OPRM1: variants seen among roughly 807,000 people sequenced by gnomAD.
OPRM1 encodes the protein opioid receptor mu 1.
OPRM1 carries 27 observed loss-of-function variants against 31.8 expected under a neutral mutation model. The observed-to-expected ratio is 0.85, with a 90% CI of 0.63 to 1.17. The LOEUF is 1.17. Among genes scored for constraint, OPRM1 ranks in the 50% most tolerant of loss-of-function variants. OPRM1 has a pLI of 0.00. For missense variants in OPRM1, 536 were observed against 511.1 expected (o/e 1.05, Z -0.47); for synonymous variants, 196 against 189.9 (o/e 1.03, Z -0.26).
intron 1 of OPRM1, among the ~76,000 whole-genome samples, chr6:154,050,837 A>G (rs953291695): frequency 2.0e-5 from 3 of 152,150 alleles, no homozygotes; most frequent in Admixed American, 1.3e-4. Flanking sequence ...TTTATTTCAC[A>G]TTGTCTGCCT....
At chr6:154,229,926 C>A (rs1445219420) in intron 3 of OPRM1, among the ~76,000 whole-genome samples, 1 of 152,128 alleles carries the variant, frequency 6.6e-6, no homozygotes, top group Non-Finnish European at 1.5e-5. Context: ...CATGGATGAA[C>A]CCTGAAAACA....
intron 1 of OPRM1, among the ~76,000 whole-genome samples, chr6:154,075,025 A>C (rs923445158): frequency 2.0e-5 from 3 of 152,252 alleles, no homozygotes; most frequent in Non-Finnish European, 2.9e-5. Flanking sequence ...AATATTTTTA[A>C]AAATTCTTGC....
chr6:154,017,258 A>C (rs1201655875), intron 1 of OPRM1, among the ~76,000 whole-genome samples: 5 of 152,128 alleles, frequency 3.3e-5, no homozygotes, highest in Non-Finnish European at 7.3e-5. Flanking sequence ...GTGCCTGACA[A>C]ATAGGTGATG....
At chr6:154,132,860 G>A (rs948256920), downstream of OPRM1, among the ~76,000 whole-genome samples, 4 of 152,108 alleles carry the variant, frequency 2.6e-5, no homozygotes, top group East Asian at 3.9e-4. Flanking sequence ...GGTGGCTCAC[G>A]CCTGTAATCC....
chr6:154,190,818 A>C (rs997128086), intron 3 of OPRM1, among the ~76,000 whole-genome samples: 6 of 152,220 alleles, frequency 3.9e-5, no homozygotes, highest in African/African-American at 1.4e-4. Flanking sequence ...ATGGAATATT[A>C]TTCAATGATT....
At chr6:154,113,121 C>G (rs1796514284) in intron 3 of OPRM1, among the ~76,000 whole-genome samples, 1 of 152,198 alleles carries the variant, frequency 6.6e-6, no homozygotes, top group Non-Finnish European at 1.5e-5. Flanking sequence ...TAAGGCCAAT[C>G]AATGACCCAT....
intron 3 of OPRM1, among the ~76,000 whole-genome samples, chr6:154,183,542 G>A (rs943260076): frequency 9.9e-5 from 15 of 152,076 alleles, no homozygotes; most frequent in African/African-American, 2.7e-4. Flanking sequence ...GGAGAGGTGC[G>A]CTCTATAGAA....
At chr6:154,231,285 A>G (rs1002367145) in intron 3 of OPRM1, among the ~76,000 whole-genome samples, 2 of 152,268 alleles carry the variant, frequency 1.3e-5, no homozygotes, top group African/African-American at 4.8e-5. Context: ...ATGGAGAAAC[A>G]GTCATTCTCA....
chr6:154,217,634 G>T (rs564428754), intron 3 of OPRM1: 1 of 152,236 alleles, frequency 6.6e-6, no homozygotes. Context: ...TACGTTTTAT[G>T]TATTATTAAC....
downstream of OPRM1, among the ~76,000 whole-genome samples, chr6:154,133,013 C>G (rs543321389): frequency 1.5e-4 from 23 of 151,418 alleles, no homozygotes; most frequent in African/African-American, 5.6e-4. Context: ...CCCAGCTACT[C>G]GGGAGGCTGA....
chr6:154,142,471 C>G (rs1798244276), intron 3 of OPRM1, among the ~76,000 whole-genome samples: 1 of 152,078 alleles, frequency 6.6e-6, no homozygotes, highest in African/African-American at 2.4e-5. Flanking sequence ...CCAGTAAACA[C>G]ACTGTGTACT....
At chr6:154,149,569 C>T (rs1798441797) in intron 3 of OPRM1, among the ~76,000 whole-genome samples, 1 of 151,742 alleles carries the variant, frequency 6.6e-6, no homozygotes, top group African/African-American at 2.4e-5. Context: ...AGCAGCTGAC[C>T]TCAGCCTTCT....
intron 3 of OPRM1, among the ~76,000 whole-genome samples, chr6:154,178,037 G>A (rs1287015805): frequency 2.0e-5 from 3 of 151,552 alleles, no homozygotes; most frequent in African/African-American, 7.3e-5. Flanking sequence ...AATATCACAA[G>A]GACAGAAAAT....
chr6:154,113,186 C>T (rs1796521449), intron 3 of OPRM1, among the ~76,000 whole-genome samples: 1 of 152,198 alleles, frequency 6.6e-6, no homozygotes, highest in Non-Finnish European at 1.5e-5. Flanking sequence ...TGTTCTGTCT[C>T]ATTGGCTAGG....
intron 3 of OPRM1, among the ~76,000 whole-genome samples, chr6:154,092,759 A>G (rs1792572701): frequency 6.6e-6 from 1 of 152,212 alleles, no homozygotes; most frequent in Non-Finnish European, 1.5e-5. Context: ...GGCGACATTA[A>G]TCCTCATACC....
chr6:154,105,615 C>T (rs1034228264), intron 3 of OPRM1, among the ~76,000 whole-genome samples: 2 of 152,106 alleles, frequency 1.3e-5, no homozygotes, highest in Admixed American at 1.3e-4. Flanking sequence ...ACTATTAAAG[C>T]CACAATTGAT....
In OPRM1 at chr6:154,123,555, T is replaced by C. The variant is rs1298203922; in HGVS notation, c.*4834T>C. ...ATTAAGAAAGCAAAGGAATAAAGAA[T>C]GGCTACTCCATAGGCAGCGTAGCCC... On this transcript the variant is annotated 3_prime_UTR_variant, in exon 4 of 4. Coordinates refer to ENST00000330432, the MANE Select transcript of OPRM1 (RefSeq NM_000914.5). Among the ~76,000 whole-genome samples the C allele has an allele frequency of 1.3e-5, 2 of 152,218 alleles. No individual in the cohort carries two copies. Among genetic ancestry groups the C allele is most frequent in the Non-Finnish European group, 2.9e-5 (2 of 68,028 alleles).
intron 1 of OPRM1, among the ~76,000 whole-genome samples, chr6:154,012,584 C>T (rs1356594002): frequency 6.6e-6 from 1 of 152,012 alleles, no homozygotes; most frequent in African/African-American, 2.4e-5. Flanking sequence ...ATTGCTGTTT[C>T]TATTATATTT....
intron 3 of OPRM1, among the ~76,000 whole-genome samples, chr6:154,094,557 G>A (rs1793020595): frequency 6.6e-6 from 1 of 152,164 alleles, no homozygotes; most frequent in South Asian, 2.1e-4. Context: ...CCCGATGGGC[G>A]GGTGGTCAGC....
Sources: allele counts gnomAD v4.1 joint callset (sites outside exome capture counted in the v4.1 genomes callset), GRCh38; gene constraint gnomAD v4.1.1; transcripts MANE v1.5; gene names NCBI Gene and HGNC (gene_info 2026-07-23, HGNC 2026-07-21).